Variants in LYRM4 observed in about 807,000 individuals in gnomAD.
The protein encoded by LYRM4 is LYR motif-containing protein 4.
A neutral mutation model predicts 11.7 loss-of-function variants in LYRM4; 9 were observed. That is an observed-to-expected ratio of 0.77 (90% CI 0.46 to 1.34). LYRM4 has a LOEUF of 1.34. Among genes scored for constraint, LYRM4 ranks in the 40% most tolerant of loss-of-function variants. The pLI, the probability that LYRM4 is intolerant of heterozygous loss-of-function variation, is 0.00. For synonymous variants in LYRM4, 42 were observed against 40.4 expected (o/e 1.04, Z -0.15); for missense variants, 133 against 112.5 (o/e 1.18, Z -0.82).
In LYRM4 at chr6:5,127,463, C is replaced by A. The variant is rs1243783287; in HGVS notation, c.208-17972G>T. 2.6e-5 allele frequency among the ~76,000 whole-genome samples: 4 copies of A among 152,140 alleles called. 1 individual carries two copies. The highest frequency in any genetic ancestry group is 5.9e-5 in the Non-Finnish European group (4 of 68,030). On this transcript the variant is annotated intron_variant, in intron 2 of 2. Coordinates refer to ENST00000330636, the MANE Select transcript of LYRM4 (RefSeq NM_020408.6). ...TGTTAAAAAATACAGGTTAAAAAGT[C>A]ACTAAATATTTCGCAATTACAGCCC... is the stretch of plus-strand genomic sequence containing the variant.
At chr6:5,061,874 T>C in the LYRM4 span, among the ~76,000 whole-genome samples, 2 of 152,176 alleles carry the variant, frequency 1.3e-5, no homozygotes, top group Non-Finnish European at 2.9e-5. Flanking sequence ...TAATTGAGAA[T>C]GTTATCACCT....
intron 2 of LYRM4, among the ~76,000 whole-genome samples, chr6:5,162,401 G>A (rs115683783): frequency 0.021 from 3,211 of 152,130 alleles, 115 homozygotes; most frequent in African/African-American, 0.073. Context: ...AGTGTTTCCC[G>A]AAGGATGACA....
intron 2 of LYRM4, among the ~76,000 whole-genome samples, chr6:5,197,762 T>C (rs1169420436): frequency 6.6e-6 from 1 of 152,234 alleles, no homozygotes; most frequent in African/African-American, 2.4e-5. Context: ...GTCCCGAATT[T>C]ATTTCAAATA....
At chr6:5,140,949 T>C (rs1368640871) in intron 2 of LYRM4, among the ~76,000 whole-genome samples, 1 of 152,244 alleles carries the variant, frequency 6.6e-6, no homozygotes, top group Non-Finnish European at 1.5e-5. Context: ...TGTCCAGTTC[T>C]ACAAGTATTC....
intron 2 of LYRM4, among the ~76,000 whole-genome samples, chr6:5,160,979 G>A (rs1758726952): frequency 6.6e-6 from 1 of 152,124 alleles, no homozygotes; most frequent in Non-Finnish European, 1.5e-5. Context: ...AACTGCTCTG[G>A]ACTTCAGCTT....
the LYRM4 span, chr6:5,085,216 C>T: frequency 2.2e-6 from 1 of 446,844 alleles, no homozygotes; most frequent in Non-Finnish European, 3.9e-6. Context: ...CCCCGGCCCT[C>T]CCCCGTCGCG....
chr6:5,230,370 T>A (rs894134104), intron 1 of LYRM4, among the ~76,000 whole-genome samples: 10 of 152,210 alleles, frequency 6.6e-5, no homozygotes, highest in African/African-American at 2.4e-4. Context: ...ACTGTGACAG[T>A]ATAGTCCCCA....
chr6:5,189,879 C>CA (rs1200542145), intron 2 of LYRM4, among the ~76,000 whole-genome samples: 1 of 152,188 alleles, frequency 6.6e-6, no homozygotes, highest in Non-Finnish European at 1.5e-5. Flanking sequence ...CTTTATATAA[C>CA]AGAGGTTGAT....
intron 2 of LYRM4, among the ~76,000 whole-genome samples, chr6:5,204,777 C>T (rs1440433172): frequency 1.3e-5 from 2 of 152,234 alleles, no homozygotes; most frequent in Non-Finnish European, 2.9e-5. Flanking sequence ...GCCAAATAAA[C>T]CTCTATCGAT....
At chr6:5,033,204 C>T in the LYRM4 span, 5,462 of 150,362 alleles carry the variant, frequency 0.036, 179 homozygotes, top group South Asian at 0.093. Context: ...CCACATACTG[C>T]TTCTCTCCCC....
chr6:5,203,992 G>A lies in LYRM4; in HGVS notation c.207+12626C>T, dbSNP rs547506595. Among the ~76,000 whole-genome samples the A allele has an allele frequency of 9.8e-5, 15 of 152,330 alleles. No individual in the cohort carries two copies. In the South Asian group the frequency reaches 2.9e-3, roughly 29 times the overall value. On this transcript the variant is annotated intron_variant, in intron 2 of 2. Coordinates refer to ENST00000330636, the MANE Select transcript of LYRM4 (RefSeq NM_020408.6). ...ACTGAACACTTATCATGGGCCCAGCGCTGTGCTGTGTGCCTCACAAACATT... is the reference window on the plus strand; with the variant it reads ...ACTGAACACTTATCATGGGCCCAGCACTGTGCTGTGTGCCTCACAAACATT...
chr6:5,176,081 T>C (rs943534149), intron 2 of LYRM4, among the ~76,000 whole-genome samples: 1 of 151,928 alleles, frequency 6.6e-6, no homozygotes, highest in African/African-American at 2.4e-5. Context: ...TTTTTTTTTT[T>C]TGAGACAGAG....
At chr6:5,040,136 G>A in the LYRM4 span, among the ~76,000 whole-genome samples, 1 of 152,090 alleles carries the variant, frequency 6.6e-6, no homozygotes, top group Non-Finnish European at 1.5e-5. Flanking sequence ...GGGCAACATA[G>A]CGAGACCCCA....
intron 2 of LYRM4, among the ~76,000 whole-genome samples, chr6:5,168,165 CTCT>C (rs1759203302): frequency 6.6e-6 from 1 of 151,610 alleles, no homozygotes; most frequent in African/African-American, 2.4e-5. Flanking sequence ...AAAGAAGAAG[CTCT>C]TCTTTATAAA....
chr6:5,260,611 G>GGGC, intron 1 of LYRM4, 37 bp downstream of exon 1: 1 of 1,377,676 alleles, frequency 7.3e-7, no homozygotes, highest in Admixed American at 2.3e-5. Context: ...CCGGCCCCTG[G>GGGC]CCCCCCGCCC....
At position 5,243,062 on chromosome 6, in the gene LYRM4, C is replaced by G. The variant is rs191466071; in HGVS notation, c.86+17586G>C. Among the ~76,000 whole-genome samples, 4 of 152,196 alleles carry G rather than the reference C, an allele frequency of 2.6e-5. No individual in the cohort carries two copies. The East Asian group carries it at 7.8e-4, about 29-fold the overall frequency. Reference sequence around the variant, plus strand: ...TGCTGGGATTACAGGCGTGAGCCACCGCGCCCGGCCAGGATTTCTGCTCTT... The same window carrying G: ...TGCTGGGATTACAGGCGTGAGCCACGGCGCCCGGCCAGGATTTCTGCTCTT... On this transcript the variant is annotated intron_variant, in intron 1 of 2. Transcript: ENST00000330636.
At chr6:5,160,038 G>A (rs746480887) in intron 2 of LYRM4, among the ~76,000 whole-genome samples, 1 of 152,178 alleles carries the variant, frequency 6.6e-6, no homozygotes. Flanking sequence ...TGCAGAAGCA[G>A]TTCGAGGACC....
chr6:5,091,555 G>A, the LYRM4 span, among the ~76,000 whole-genome samples: 1 of 152,188 alleles, frequency 6.6e-6, no homozygotes, highest in Non-Finnish European at 1.5e-5. Context: ...TTTGCTTTTT[G>A]TGAAGTTTAG....
At chr6:5,252,430 GCTCAGTCCAACA>G (rs1472605269) in intron 1 of LYRM4, among the ~76,000 whole-genome samples, 1 of 152,098 alleles carries the variant, frequency 6.6e-6, no homozygotes, top group Non-Finnish European at 1.5e-5. Flanking sequence ...ATGACATTTA[GCTCAGTCCAACA>G]CTTCAGCCAC....
Sources: allele counts gnomAD v4.1 joint callset (sites outside exome capture counted in the v4.1 genomes callset), GRCh38; gene constraint gnomAD v4.1.1; transcripts MANE v1.5; gene names NCBI Gene and HGNC (gene_info 2026-07-23, HGNC 2026-07-21).